The following CEP131 variants were observed in gnomAD, a reference collection of about 807,000 sequenced individuals.
CEP131 encodes centrosomal protein of 131 kDa.
CEP131 carries 99 observed loss-of-function variants against 136.8 expected under a neutral mutation model. That is an observed-to-expected ratio of 0.72 (90% CI 0.62 to 0.86). The LOEUF (loss-of-function observed/expected upper bound fraction) is 0.86, where lower values mean the gene tolerates loss of function less well. CEP131 is among the 40% of genes least tolerant of loss of function. The pLI, the probability that CEP131 is intolerant of heterozygous loss-of-function variation, is 0.00. For missense variants in CEP131, 1,459 were observed against 1,463.0 expected, an observed-to-expected ratio of 1.00 and a Z score of 0.04; for synonymous variants, 646 against 612.7, an observed-to-expected ratio of 1.05 and a Z score of -0.80.
At chr17:81,193,028 G>A (rs885362) in intron 18 of CEP131, among the ~76,000 whole-genome samples, 185 bp from the exon 19 acceptor site, 4,613 of 152,324 alleles carry the variant, frequency 0.03, 153 homozygotes, top group East Asian at 0.18. Context: ...GCAAGGCCAC[G>A]AGGAACTTGC....
rs143028785 is a variant in CEP131, at chr17:81,208,943, C to T, written c.257G>A (p.Arg86Gln). The stretch of plus-strand genomic sequence containing the variant: ...TAGGGGTTACCTGGGGGAGCCGCTC[C>T]GAGGCTGGCTGACCTGCGTGGTGCT... ...SNSTTQVSQP[R>Q]SGSPRPTEPT... Residue 86 changes from arginine (R) to glutamine (Q), a missense_variant, in exon 3 of 26, where the codon CGG becomes CAG. Physicochemically the swap from Arg to Gln is conservative, Grantham distance 43. Transcript: ENST00000450824. The surrounding 1 kb of genome is among the most constrained non-coding windows in gnomAD (Gnocchi z 5.6). The T allele has an allele frequency of 4.3e-5, 70 of 1,613,600 alleles. No homozygotes were observed. Among genetic ancestry groups the T allele is most frequent in the Middle Eastern group, 1.7e-4 (1 of 5,938 alleles).
chr17:81,200,583 C>G, intron 7 of CEP131, 137 bp from the exon 8 acceptor site: 1 of 660,454 alleles, frequency 1.5e-6, no homozygotes, highest in South Asian at 1.8e-5. Flanking sequence ...CAAGGCAGGA[C>G]CAGCCCACCT....
At chr17:81,207,430 G>A (rs2062031698) in intron 3 of CEP131, among the ~76,000 whole-genome samples, 191 bp from the exon 4 acceptor site, 1 of 152,070 alleles carries the variant, frequency 6.6e-6, no homozygotes, top group African/African-American at 2.4e-5. Context: ...GGGCGTTCAG[G>A]GTGAGCTTCC....
Position 81,208,932 on chromosome 17 carries a change from G to A in CEP131, c.268C>T (p.Pro90Ser). The change falls in exon 3 of 26, where the codon CCC becomes TCC. Residue 90 changes from proline to serine, a missense_variant. Transcript: ENST00000450824. The surrounding 1 kb of genome is among the most constrained non-coding windows in gnomAD (Gnocchi z 5.6). Reference sequence around the variant, plus strand: ...TCCAAGGGCCTTAGGGGTTACCTGGGGGAGCCGCTCCGAGGCTGGCTGACC... The same window carrying A: ...TCCAAGGGCCTTAGGGGTTACCTGGAGGAGCCGCTCCGAGGCTGGCTGACC... ...TQVSQPRSGS[P>S]RPTEPTDFLM... 6.2e-7 allele frequency: 1 copy of A among 1,613,452 alleles called. No individual in the cohort carries two copies. The highest frequency in any genetic ancestry group is 1.1e-5 in the South Asian group (1 of 91,042).
At chr17:81,211,847 C>A (rs2062137244) in intron 2 of CEP131, among the ~76,000 whole-genome samples, 1 of 149,822 alleles carries the variant, frequency 6.7e-6, no homozygotes, top group Non-Finnish European at 1.5e-5. Context: ...GTGGGAGGAT[C>A]ACTTGAGCCC....
At position 81,199,497 on chromosome 17, in the gene CEP131, C is replaced by T. The variant is rs773772896; in HGVS notation, c.1076G>A (p.Arg359His). 23 of 1,608,868 alleles carry T rather than the reference C, an allele frequency of 1.4e-5. No homozygotes were observed. Among genetic ancestry groups the T allele is most frequent in the East Asian group, 1.1e-4 (5 of 44,804 alleles). ...CTCCCTGGGATTCTCAGGTGGCCCA[C>T]GCTCGGCAGTGCTCGCCTTCTGGGC... Reference protein sequence around the residue: ...LRAQKASTAERGPPENPRETR... With the variant: ...LRAQKASTAEHGPPENPRETR... Residue 359 changes from arginine to histidine, a missense_variant, in exon 10 of 26, where the codon CGT becomes CAT. Around this residue, in one of 3 missense-constraint regions of CEP131, gnomAD observed 246 missense variants for 318.9 expected, o/e 0.77. Transcript: ENST00000450824.
At chr17:81,193,659 C>T (rs545185710) in intron 18 of CEP131, among the ~76,000 whole-genome samples, 102 of 152,304 alleles carry the variant, frequency 6.7e-4, no homozygotes, top group African/African-American at 2.4e-3. Context: ...TGGGGGTTCC[C>T]AGCCCTGACC....
chr17:81,204,759 C>T (rs1218629169), intron 5 of CEP131, among the ~76,000 whole-genome samples: 1 of 150,622 alleles, frequency 6.6e-6, no homozygotes, highest in African/African-American at 2.5e-5. Context: ...CACCGGACCA[C>T]ACCTGCACCG....
chr17:81,199,597 C>T, intron 9 of CEP131, 48 bp from the exon 10 acceptor site: 1 of 1,590,544 alleles, frequency 6.3e-7, no homozygotes, highest in Non-Finnish European at 8.6e-7. Flanking sequence ...AGGACGACCC[C>T]AGGCTCCACA....
chr17:81,203,529 C>A lies in CEP131; in HGVS notation c.594G>T (p.Pro198=). 6.2e-7 allele frequency: 1 copy of A among 1,608,336 alleles called. No homozygotes were observed. The highest frequency in any genetic ancestry group is 8.5e-7 in the Non-Finnish European group (1 of 1,178,168). The change falls in exon 6 of 26, where the codon CCG becomes CCT. Residue 198 remains proline (P), a synonymous_variant. Transcript: ENST00000450824. This position sits in a 1 kb window ranked among gnomAD's most constrained non-coding sequence, Gnocchi z 4.6. ...NRYTPSERAP[P]LKSSNQTAPS... is the part of the protein sequence containing the mutation. ...GGGCAGTCTGGTTGGAGCTCTTGAGCGGAGGCGCCCTCTCCGAGGGGGTGT... is the reference window on the plus strand; with the variant it reads ...GGGCAGTCTGGTTGGAGCTCTTGAGAGGAGGCGCCCTCTCCGAGGGGGTGT...
chr17:81,197,891 G>T lies in CEP131; in HGVS notation c.1471-3C>A, dbSNP rs571823304. 2.2e-5 allele frequency: 36 copies of T among 1,611,146 alleles called. 1 individual carries two copies. In the African/African-American group the frequency reaches 3.9e-4, roughly 17 times the overall value. On this transcript the variant is annotated splice_region_variant and splice_polypyrimidine_tract_variant and intron_variant, in intron 12 of 25. Transcript: ENST00000450824. ...GTCAGAGAGCTGGCGTCATCCTCCTGTGGGACAGGAGCCCAGCATCGGGGG... is the reference window on the plus strand; with the variant it reads ...GTCAGAGAGCTGGCGTCATCCTCCTTTGGGACAGGAGCCCAGCATCGGGGG...
rs111722019 is a variant in CEP131 at position 81,201,401 on chromosome 17, C to T, written c.788+839G>A. ...AAACGACTGTCATGGTCACAGGAGGCTCCGCCCACAGCCCCTCCAGCTCCC... is the reference window on the plus strand; with the variant it reads ...AAACGACTGTCATGGTCACAGGAGGTTCCGCCCACAGCCCCTCCAGCTCCC... On this transcript the variant is annotated intron_variant, in intron 7 of 25. Coordinates refer to ENST00000450824, the MANE Select transcript of CEP131 (RefSeq NM_014984.4). Among the ~76,000 whole-genome samples the T allele has an allele frequency of 6.3e-3, 955 of 152,276 alleles. 10 individuals are homozygous for T. The highest frequency in any genetic ancestry group is 0.022 in the African/African-American group (896 of 41,540).
rs753586761 is a variant in CEP131 at position 81,191,026 on chromosome 17, G to A, written c.2824C>T (p.Arg942Trp). 4.0e-5 allele frequency: 65 copies of A among 1,610,330 alleles called. No homozygotes were observed. The highest frequency in any genetic ancestry group is 2.3e-4 in the African/African-American group (17 of 74,934). Residue 942 changes from arginine to tryptophan, a missense_variant, in exon 23 of 26, where the codon CGG becomes TGG. By Grantham distance (101) the Arg-to-Trp change is moderately radical. Transcript: ENST00000450824. ...AELSELEQSE[R>W]KLQERCSELK... ...TCCGAGCACCGCTCCTGAAGCTTCC[G>A]CTCCGACTGCTCCAGCTCGGAGAGC...
intron 2 of CEP131, 88 bp from the exon 3 acceptor site, chr17:81,209,110 C>G: frequency 1.0e-6 from 1 of 965,940 alleles, no homozygotes; most frequent in Non-Finnish European, 1.6e-6. Context: ...GAAACGCAGT[C>G]AGAGAACAGA....
Position 81,208,913 on chromosome 17 carries a change from G to T in CEP131, c.272+15C>A. On this transcript the variant is annotated intron_variant, in intron 3 of 25. Transcript: ENST00000450824. The surrounding 1 kb of genome is among the most constrained non-coding windows in gnomAD (Gnocchi z 5.6). ...CGGGAAGGGGCCAGGGTTATCCAAG[G>T]GCCTTAGGGGTTACCTGGGGGAGCC... The T allele has an allele frequency of 6.2e-7, 1 of 1,608,102 alleles. No homozygotes were observed. The highest frequency in any genetic ancestry group is 8.5e-7 in the Non-Finnish European group (1 of 1,175,582).
intron 2 of CEP131, among the ~76,000 whole-genome samples, chr17:81,216,220 A>G (rs1321837290): frequency 6.6e-6 from 1 of 152,086 alleles, no homozygotes; most frequent in Non-Finnish European, 1.5e-5. Flanking sequence ...TTAGCCGGGC[A>G]TGGTGGTGCA....
intron 5 of CEP131, among the ~76,000 whole-genome samples, chr17:81,206,106 CG>C (rs908018620): frequency 6.6e-6 from 1 of 151,838 alleles, no homozygotes; most frequent in African/African-American, 2.4e-5. Context: ...CTCAGCTACT[CG>C]GGAGGCTGAG....
At position 81,209,026 on chromosome 17, in the gene CEP131, C is replaced by T. The variant is rs114334003; in HGVS notation, c.178-4G>A. ...AGCCCCCAGGCCCTGTGGCCTCCTG[C>T]AAAAAGGGAGAAAACAGTTAATTAT... On this transcript the variant is annotated splice_region_variant and splice_polypyrimidine_tract_variant and intron_variant, in intron 2 of 25. Coordinates refer to ENST00000450824, the MANE Select transcript of CEP131 (RefSeq NM_014984.4). The T allele has an allele frequency of 5.2e-3, 8,282 of 1,602,114 alleles. 246 individuals are homozygous for T. In the African/African-American group the frequency reaches 0.069, roughly 13 times the overall value.
At chr17:81,192,631 G>T (rs756388071) in intron 19 of CEP131, 38 bp from the exon 20 acceptor site, 2 of 1,418,396 alleles carry the variant, frequency 1.4e-6, no homozygotes, top group Non-Finnish European at 1.9e-6. Flanking sequence ...AGGGGTCATC[G>T]AGTAAGGAGT....
Sources: gnomAD v4.1 joint callset for allele counts (sites outside exome capture counted in the v4.1 genomes callset) on GRCh38, gnomAD v4.1.1 for gene constraint, gnomAD v4.1.1 regional missense constraint, Gnocchi (gnomAD v3.1) non-coding constraint, MANE v1.5 for transcripts, NCBI Gene and HGNC (gene_info 2026-07-23, HGNC 2026-07-21) for gene names.